Variants in DLGAP2 observed in about 807,000 individuals in gnomAD.
DLGAP2 encodes the protein DLG associated protein 2, also known as disks large-associated protein 2.
In DLGAP2, 26 loss-of-function variants were observed where a neutral mutation model predicts 100.3. The ratio of observed to expected loss-of-function variants is 0.26; its 90% CI spans 0.19 to 0.36. The LOEUF (loss-of-function observed/expected upper bound fraction) is 0.36, where lower values mean the gene tolerates loss of function less well. Among genes scored for constraint, DLGAP2 ranks in the 10% least tolerant of loss-of-function variants. The pLI, the probability that DLGAP2 is intolerant of heterozygous loss-of-function variation, is 1.00. For synonymous variants in DLGAP2, 886 were observed against 630.1 expected (o/e 1.41, Z -6.08); for missense variants, 1,858 against 1,453.2 (o/e 1.28, Z -4.53).
chr8:1,412,174 C>G (rs1378942549), intron 3 of DLGAP2, among the ~76,000 whole-genome samples: 1 of 152,188 alleles, frequency 6.6e-6, no homozygotes, highest in Admixed American at 6.5e-5. Flanking sequence ...AGTGCTATGG[C>G]TCCCACTGCC....
chr8:988,656 G>T (rs1387324004), intron 2 of DLGAP2, among the ~76,000 whole-genome samples: 5 of 152,096 alleles, frequency 3.3e-5, no homozygotes, highest in Admixed American at 2.6e-4. Context: ...CCTGCCTCCT[G>T]GCCGTGATTT....
intron 2 of DLGAP2, among the ~76,000 whole-genome samples, chr8:1,101,557 C>T (rs984843826): frequency 3.3e-5 from 5 of 152,066 alleles, no homozygotes; most frequent in Non-Finnish European, 7.4e-5. Flanking sequence ...TGGCGGCAGA[C>T]GCTCAGTCTG....
At position 1,668,535 on chromosome 8, in the gene DLGAP2, A is replaced by T. The variant is rs955063638; in HGVS notation, c.2017A>T (p.Met673Leu). 3 of 1,592,922 alleles carry T rather than the reference A, an allele frequency of 1.9e-6. No homozygotes were observed. The East Asian group carries it at 6.9e-5, about 37-fold the overall frequency. Residue 673 changes from methionine (M) to leucine (L), a missense_variant, in exon 9 of 15, where the codon ATG (methionine) becomes TTG (leucine). Transcript: ENST00000637795. ...STDSLDSNKAMNLALETAAAQ... is the reference protein window; with the variant it reads ...STDSLDSNKALNLALETAAAQ... ...GGACAGCCTGGACAGCAACAAGGCC[A>T]TGAACCTCGCGCTGGAAACGGCCGC...
chr8:1,263,840 A>T (rs540329963), intron 3 of DLGAP2, among the ~76,000 whole-genome samples: 19 of 152,164 alleles, frequency 1.2e-4, no homozygotes, highest in Non-Finnish European at 2.4e-4. Flanking sequence ...CAGCTCTTTA[A>T]TTGAATGCTT....
At position 1,595,872 on chromosome 8, in the gene DLGAP2, T is replaced by A. The variant is rs191441656; in HGVS notation, c.1442+29978T>A. ...TCTTTTTTTAATAGTAATTTTTTTT[T>A]AATTTTATTATTATTATACTTTAAG... is the stretch of plus-strand genomic sequence containing the variant. On this transcript the variant is annotated intron_variant, in intron 6 of 14. Transcript: ENST00000637795. Among the ~76,000 whole-genome samples the A allele has an allele frequency of 1.0e-4, 15 of 144,086 alleles. No homozygotes were observed. In the East Asian group the frequency reaches 2.7e-3, roughly 26 times the overall value. The allele number at this position is 144,086 out of a possible 152,430, so 94.5% of individuals were successfully genotyped here. A position where few individuals can be genotyped will look rare whatever the true frequency, so the allele number is the denominator to read the frequency against.
chr8:862,031 C>G (rs76184676), intron 1 of DLGAP2, among the ~76,000 whole-genome samples: 1,563 of 152,352 alleles, frequency 0.01, 32 homozygotes, highest in African/African-American at 0.036. Context: ...TTCCAACCTT[C>G]TGCATCAGTG....
At chr8:1,591,215 C>G (rs1796279751) in intron 6 of DLGAP2, among the ~76,000 whole-genome samples, 2 of 152,152 alleles carry the variant, frequency 1.3e-5, no homozygotes, top group African/African-American at 4.8e-5. Context: ...CTTCCCTTCC[C>G]TCTGCAAAGC....
Position 1,551,577 on chromosome 8 carries a change from G to C in DLGAP2, c.1230+1894G>C, listed in dbSNP as rs78518078. 9.7e-3 allele frequency among the ~76,000 whole-genome samples: 1,472 copies of C among 152,180 alleles called. 40 individuals are homozygous for C. In the East Asian group the frequency reaches 0.11, roughly 12 times the overall value. ...TCTCTGCCTCCAACAGCTATTCCAC[G>C]GTCTAGGTGCAGGGAATACCAGTCG... On this transcript the variant is annotated intron_variant, in intron 5 of 14. Coordinates refer to ENST00000637795, the MANE Select transcript of DLGAP2 (RefSeq NM_001346810.2).
intron 3 of DLGAP2, among the ~76,000 whole-genome samples, chr8:1,433,495 C>G (rs1278614145): frequency 6.6e-6 from 1 of 152,216 alleles, no homozygotes; most frequent in Non-Finnish European, 1.5e-5. Flanking sequence ...CTGTGGTGTG[C>G]AAGTGTACAG....
chr8:770,068 A>G (rs183447960), intron 1 of DLGAP2, among the ~76,000 whole-genome samples: 87 of 152,294 alleles, frequency 5.7e-4, no homozygotes, highest in Admixed American at 7.2e-4. Flanking sequence ...TCGTTTTCCT[A>G]CCATACCTTC....
intron 8 of DLGAP2, among the ~76,000 whole-genome samples, chr8:1,662,615 G>T (rs1247599316): frequency 6.6e-6 from 1 of 152,224 alleles, no homozygotes; most frequent in African/African-American, 2.4e-5. Flanking sequence ...TTTTCTTGTG[G>T]GCTGATGTCA....
chr8:778,402 G>T (rs967178452), intron 1 of DLGAP2, among the ~76,000 whole-genome samples: 13 of 152,314 alleles, frequency 8.5e-5, no homozygotes, highest in Admixed American at 3.9e-4. Context: ...ACTGCGTTCC[G>T]TTGGAGGAGG....
intron 13 of DLGAP2, among the ~76,000 whole-genome samples, chr8:1,695,150 G>A (rs940958098): frequency 6.6e-5 from 10 of 152,240 alleles, no homozygotes; most frequent in Admixed American, 1.3e-4. Flanking sequence ...ACCCAGCTGC[G>A]GGCGAGGGAG....
At chr8:899,613 T>C (rs1442132768) in intron 1 of DLGAP2, among the ~76,000 whole-genome samples, 1 of 152,206 alleles carries the variant, frequency 6.6e-6, no homozygotes, top group African/African-American at 2.4e-5. Flanking sequence ...ATCAAACAAA[T>C]ATGGAAATCA....
chr8:870,852 C>T (rs940507138), intron 1 of DLGAP2, among the ~76,000 whole-genome samples: 13 of 152,082 alleles, frequency 8.5e-5, no homozygotes, highest in Non-Finnish European at 8.8e-5. Context: ...TTTCCCTCAC[C>T]GCTGATAAGG....
chr8:881,861 C>G (rs1490212430), intron 1 of DLGAP2, among the ~76,000 whole-genome samples: 6 of 151,962 alleles, frequency 3.9e-5, no homozygotes, highest in Non-Finnish European at 5.9e-5. Context: ...ACTTTGTTCC[C>G]AGAAATAAAC....
intron 3 of DLGAP2, among the ~76,000 whole-genome samples, chr8:1,477,261 G>C (rs997412887): frequency 6.6e-6 from 1 of 152,180 alleles, no homozygotes; most frequent in Non-Finnish European, 1.5e-5. Flanking sequence ...GATGACGGCT[G>C]GAAGGTACTG....
At chr8:962,447 C>T (rs546586680) in intron 2 of DLGAP2, among the ~76,000 whole-genome samples, 2 of 152,290 alleles carry the variant, frequency 1.3e-5, no homozygotes, top group East Asian at 1.9e-4. Flanking sequence ...CCAGGAGTTG[C>T]TGACCCGTCC....
intron 2 of DLGAP2, among the ~76,000 whole-genome samples, chr8:1,110,504 G>A (rs924887573): frequency 1.3e-4 from 19 of 150,388 alleles, no homozygotes; most frequent in Non-Finnish European, 1.8e-4. Context: ...ATGTGTGCAC[G>A]TGCCTGTGAA....
Sources: gnomAD v4.1 joint callset for allele counts (sites outside exome capture counted in the v4.1 genomes callset) on GRCh38, gnomAD v4.1.1 for gene constraint, MANE v1.5 for transcripts, NCBI Gene and HGNC (gene_info 2026-07-23, HGNC 2026-07-21) for gene names.